The following LTBP2 variants were observed in gnomAD, a reference collection of about 807,000 sequenced individuals.
The protein encoded by LTBP2 is latent-transforming growth factor beta-binding protein 2.
Under a neutral mutation model 210.6 loss-of-function variants are expected in LTBP2, and 103 were observed. That is an observed-to-expected ratio of 0.49 (90% CI 0.42 to 0.58). The LOEUF (loss-of-function observed/expected upper bound fraction) is 0.58, where lower values mean the gene tolerates loss of function less well. LTBP2 is among the 20% of genes least tolerant of loss of function. The pLI is 0.00. For missense variants in LTBP2, 2,313 were observed against 2,494.5 expected (o/e 0.93, Z 1.55); for synonymous variants, 1,007 against 1,015.0 (o/e 0.99, Z 0.15).
chr14:74,521,808 C>A, intron 17 of LTBP2, 103 bp downstream of exon 17: 18 of 1,495,478 alleles, frequency 1.2e-5, no homozygotes, highest in Non-Finnish European at 1.6e-5. Flanking sequence ...GCTGCCCACT[C>A]CCCATTCTGC....
At chr14:74,564,814 C>T (rs2087881441) in intron 3 of LTBP2, among the ~76,000 whole-genome samples, 1 of 152,132 alleles carries the variant, frequency 6.6e-6, no homozygotes. Context: ...ATTTTATAGT[C>T]AAGAAAACAG....
chr14:74,520,961 A>T (rs2087194542), intron 17 of LTBP2, among the ~76,000 whole-genome samples: 1 of 152,224 alleles, frequency 6.6e-6, no homozygotes, highest in South Asian at 2.1e-4. Flanking sequence ...AGAGCTTGGC[A>T]CAGTGCCTGG....
Position 74,502,830 on chromosome 14 carries a change from G to T in LTBP2, c.4993C>A (p.His1665Asn). ...YEYGPGPDDLHYSIYGPDGAP... is the reference protein window; with the variant it reads ...YEYGPGPDDLNYSIYGPDGAP... ...CCATCTGGGCCATAGATGCTGTAGTGCAGGTCATCGGGCCCGGGGCCATAC... is the reference window on the plus strand; with the variant it reads ...CCATCTGGGCCATAGATGCTGTAGTTCAGGTCATCGGGCCCGGGGCCATAC... Residue 1665 changes from histidine to asparagine, a missense_variant, in exon 34 of 36, where the codon CAC becomes AAC. Physicochemically the swap from His to Asn is moderately conservative, Grantham distance 68. Around this residue, in one of 3 missense-constraint regions of LTBP2, gnomAD observed 443 missense variants for 501.4 expected, o/e 0.88. Coordinates refer to ENST00000261978, the MANE Select transcript of LTBP2 (RefSeq NM_000428.3). 3 of 1,614,162 alleles carry T rather than the reference G, an allele frequency of 1.9e-6. No homozygotes were observed. In the South Asian group the frequency reaches 3.3e-5, roughly 18 times the overall value.
At chr14:74,516,794 G>T in intron 18 of LTBP2, 28 bp downstream of exon 18, 1 of 1,549,896 alleles carries the variant, frequency 6.5e-7, no homozygotes, top group East Asian at 2.4e-5. Flanking sequence ...TGGGGTGGCA[G>T]GGCGCTTCCC....
intron 4 of LTBP2, among the ~76,000 whole-genome samples, chr14:74,554,474 G>C (rs1234314324): frequency 6.6e-6 from 1 of 152,130 alleles, no homozygotes; most frequent in Non-Finnish European, 1.5e-5. Context: ...ACTCCAGCCT[G>C]GGCAACAGAG....
At chr14:74,544,937 G>A (rs950341204) in intron 8 of LTBP2, among the ~76,000 whole-genome samples, 4 of 152,092 alleles carry the variant, frequency 2.6e-5, no homozygotes, top group East Asian at 1.9e-4. Context: ...AGAACCACGT[G>A]GGGGAAAGCC....
chr14:74,571,201 G>A (rs1014813249), intron 3 of LTBP2, among the ~76,000 whole-genome samples: 1 of 152,094 alleles, frequency 6.6e-6, no homozygotes, highest in Non-Finnish European at 1.5e-5. Flanking sequence ...GCATGGTGGT[G>A]GGCACCTGTA....
intron 3 of LTBP2, among the ~76,000 whole-genome samples, chr14:74,568,777 A>G (rs1328941319): frequency 2.0e-5 from 3 of 152,210 alleles, no homozygotes; most frequent in Non-Finnish European, 4.4e-5. Context: ...CAGATATTCT[A>G]GTTCCAGAGC....
chr14:74,516,317 G>A (rs2087133739), intron 18 of LTBP2, among the ~76,000 whole-genome samples: 1 of 140,462 alleles, frequency 7.1e-6, no homozygotes, highest in Non-Finnish European at 1.6e-5. Context: ...GCGCCTTCTG[G>A]CTGGGTCTGG....
intron 15 of LTBP2, among the ~76,000 whole-genome samples, chr14:74,523,209 C>G (rs992202767): frequency 2.0e-5 from 3 of 152,098 alleles, no homozygotes; most frequent in African/African-American, 7.2e-5. Context: ...ACCCCTCCAT[C>G]CTAGCCCCAC....
Position 74,551,362 on chromosome 14 carries a change from G to A in LTBP2, c.1400-12C>T. ...GGGGTTCACGGAGGCTGGGCACAGG[G>A]GCTAGAGTCAGAGCCAGGGAAGCAG... On this transcript the variant is annotated splice_polypyrimidine_tract_variant and intron_variant, in intron 6 of 35. Coordinates refer to ENST00000261978, the MANE Select transcript of LTBP2 (RefSeq NM_000428.3). 1 of 1,551,186 alleles carries A rather than the reference G, an allele frequency of 6.4e-7. No individual in the cohort carries two copies. The highest frequency in any genetic ancestry group is 8.7e-7 in the Non-Finnish European group (1 of 1,147,102).
intron 3 of LTBP2, among the ~76,000 whole-genome samples, chr14:74,563,904 C>T (rs2087830601): frequency 6.8e-6 from 1 of 146,196 alleles, no homozygotes; most frequent in African/African-American, 2.6e-5. Flanking sequence ...CAGTTATTTG[C>T]ATATTCATAA....
chr14:74,517,425 C>T (rs753279557), intron 17 of LTBP2, among the ~76,000 whole-genome samples: 13 of 152,146 alleles, frequency 8.5e-5, no homozygotes, highest in Non-Finnish European at 5.9e-5. Flanking sequence ...GCCATCTTGA[C>T]TCACTGCAAC....
chr14:74,517,048 G>A lies in LTBP2; in HGVS notation c.2789-107C>T, dbSNP rs1001026481. 5 of 1,422,398 alleles carry A rather than the reference G, an allele frequency of 3.5e-6. No homozygotes were observed. In the African/African-American group the frequency reaches 5.6e-5, roughly 16 times the overall value. 88.1% of individuals were successfully genotyped at this position (1,422,398 alleles called of 1,614,324 possible). A position where few individuals can be genotyped will look rare whatever the true frequency, so the allele number is the denominator to read the frequency against. On this transcript the variant is annotated intron_variant, in intron 17 of 35. Coordinates refer to ENST00000261978, the MANE Select transcript of LTBP2 (RefSeq NM_000428.3). ...AGAGGCCAAGGACAAAGGATGCCAT[G>A]CTGAGGCCTGGGCAGGGAAGGCATG...
chr14:74,516,807 CTTCCCGTTCCTTA>C lies in LTBP2; in HGVS notation c.2908+2_2908+14del. ...GGTGGGGTGGCAGGGCGCTTCCCTC[CTTCCCGTTCCTTA>C]CCTTGGCAGTGTCCTTTCCTGACCA... On this transcript the variant is annotated splice_donor_variant and splice_donor_5th_base_variant and intron_variant, in intron 18 of 35. Transcript: ENST00000261978. LOFTEE classifies it high-confidence loss of function. 3 of 1,551,390 alleles carry C rather than the reference CTTCCCGTTCCTTA, an allele frequency of 1.9e-6. No individual in the cohort carries two copies. The highest frequency in any genetic ancestry group is 2.6e-6 in the Non-Finnish European group (3 of 1,146,920).
intron 12 of LTBP2, 59 bp from the exon 13 acceptor site, chr14:74,527,425 TCA>T: frequency 6.3e-7 from 1 of 1,576,488 alleles, no homozygotes; most frequent in Non-Finnish European, 8.6e-7. Context: ...CCTTCTCCCC[TCA>T]CCGCCACCTG....
chr14:74,594,605 T>A (rs1414511896), intron 2 of LTBP2, among the ~76,000 whole-genome samples: 1 of 152,154 alleles, frequency 6.6e-6, no homozygotes, highest in East Asian at 1.9e-4. Context: ...AGTATTTACC[T>A]CAGACACCCC....
chr14:74,507,880 G>T, intron 25 of LTBP2, 93 bp downstream of exon 25: 1 of 1,561,190 alleles, frequency 6.4e-7, no homozygotes, highest in Non-Finnish European at 8.8e-7. Flanking sequence ...TTCATCTGTG[G>T]AAAGTGCTCT....
In LTBP2 at chr14:74,583,377, C is replaced by G. The variant is rs143902789; in HGVS notation, c.830+2477G>C. ...GGTCACAGGAAATGTCTGACACCAC[C>G]AGGCAAGCAGGATTTGGCCTCCTAA... On this transcript the variant is annotated intron_variant, in intron 3 of 35. Coordinates refer to ENST00000261978, the MANE Select transcript of LTBP2 (RefSeq NM_000428.3). Among the ~76,000 whole-genome samples, 1,026 of 152,354 alleles carry G rather than the reference C, an allele frequency of 6.7e-3. 13 individuals carry two copies. Among genetic ancestry groups the G allele is most frequent in the African/African-American group, 0.023 (976 of 41,578 alleles).
Sources: allele counts gnomAD v4.1 joint callset (sites outside exome capture counted in the v4.1 genomes callset), GRCh38; gene constraint gnomAD v4.1.1; regional missense constraint gnomAD v4.1.1; transcripts MANE v1.5; gene names NCBI Gene and HGNC (gene_info 2026-07-23, HGNC 2026-07-21).